The following ANO1 variants were observed in gnomAD, a reference collection of about 807,000 sequenced individuals.
ANO1 encodes the protein anoctamin 1.
Under a neutral mutation model 124.0 loss-of-function variants are expected in ANO1, and 59 were observed. The observed-to-expected ratio is 0.48, with a 90% CI of 0.39 to 0.59. The LOEUF is 0.59. Ranked by LOEUF, ANO1 falls within the 20% of genes least tolerant of loss-of-function variation. The pLI is 0.00. For synonymous variants in ANO1, 529 were observed against 532.0 expected, an observed-to-expected ratio of 0.99 and a Z score of 0.08; for missense variants, 1,059 against 1,328.0, an observed-to-expected ratio of 0.80 and a Z score of 3.15.
intron 1 of ANO1, among the ~76,000 whole-genome samples, chr11:70,073,150 T>C (rs2135144334): frequency 6.6e-6 from 1 of 152,280 alleles, no homozygotes; most frequent in African/African-American, 2.4e-5. Context: ...ATTGAACCAG[T>C]GGCAGGCAGC....
intron 2 of ANO1, among the ~76,000 whole-genome samples, chr11:70,090,938 A>G (rs1414080769): frequency 1.3e-5 from 2 of 152,206 alleles, no homozygotes; most frequent in Non-Finnish European, 2.9e-5. Flanking sequence ...GGAGCCTCTC[A>G]AATCATAAGC....
At chr11:70,019,830 T>C (rs1856768701) in intron 1 of ANO1, among the ~76,000 whole-genome samples, 1 of 152,242 alleles carries the variant, frequency 6.6e-6, no homozygotes, top group African/African-American at 2.4e-5. Flanking sequence ...CATGGTCTCA[T>C]GTGGATCACT....
intron 2 of ANO1, among the ~76,000 whole-genome samples, chr11:70,090,476 A>C (rs1332929150): frequency 1.3e-5 from 2 of 152,214 alleles, no homozygotes; most frequent in Non-Finnish European, 2.9e-5. Context: ...CCCCATTTGT[A>C]AAATGGAGAT....
the ANO1 span, among the ~76,000 whole-genome samples, chr11:69,971,107 G>A: frequency 2.0e-5 from 3 of 152,190 alleles, no homozygotes; most frequent in Non-Finnish European, 4.4e-5. Flanking sequence ...GGGGTGGGGA[G>A]GAGAACTGTC....
chr11:70,113,041 G>A (rs1485028239), intron 7 of ANO1, among the ~76,000 whole-genome samples: 1 of 152,080 alleles, frequency 6.6e-6, no homozygotes, highest in Non-Finnish European at 1.5e-5. Flanking sequence ...GTAGGTCCGG[G>A]GATTGGGGTG....
At chr11:70,107,729 C>T (rs1326125494) in intron 5 of ANO1, among the ~76,000 whole-genome samples, 3 of 152,128 alleles carry the variant, frequency 2.0e-5, no homozygotes, top group Non-Finnish European at 2.9e-5. Flanking sequence ...GGCAGACAGA[C>T]TCCCAAGCCG....
intron 8 of ANO1, among the ~76,000 whole-genome samples, chr11:70,121,970 CTCTG>C (rs1181174929): frequency 8.8e-5 from 13 of 147,440 alleles, no homozygotes; most frequent in African/African-American, 2.3e-4. Context: ...CCCCACCTCT[CTCTG>C]TCTGTCTGTC....
At chr11:70,166,292 T>C (rs778619358) in intron 20 of ANO1, among the ~76,000 whole-genome samples, 3 of 152,196 alleles carry the variant, frequency 2.0e-5, no homozygotes, top group Non-Finnish European at 4.4e-5. Flanking sequence ...CACTCCAGCC[T>C]GGGCGACAGA....
chr11:69,969,571 T>C, the ANO1 span, among the ~76,000 whole-genome samples: 2 of 152,100 alleles, frequency 1.3e-5, no homozygotes, highest in Admixed American at 1.3e-4. Context: ...CCTGGGAAAG[T>C]GCATCTCTCC....
upstream of ANO1, among the ~76,000 whole-genome samples, chr11:70,077,007 G>A (rs144218232): frequency 9.5e-3 from 991 of 104,130 alleles, 9 homozygotes; most frequent in African/African-American, 0.03. Context: ...AAGGTCACAA[G>A]GCTGGAAGGT....
At chr11:70,144,625 C>G (rs1238605602) in intron 11 of ANO1, among the ~76,000 whole-genome samples, 2 of 152,234 alleles carry the variant, frequency 1.3e-5, no homozygotes, top group Non-Finnish European at 2.9e-5. Flanking sequence ...TATCCGCTCC[C>G]GCCAGGCCTG....
chr11:69,979,153 T>C, the ANO1 span, among the ~76,000 whole-genome samples: 4 of 152,288 alleles, frequency 2.6e-5, no homozygotes, highest in African/African-American at 9.6e-5. Context: ...CAAACAAAGG[T>C]TGAAGAGAGG....
intron 1 of ANO1, among the ~76,000 whole-genome samples, chr11:70,031,688 A>AC (rs1330513704): frequency 6.6e-6 from 1 of 151,924 alleles, no homozygotes; most frequent in Admixed American, 6.6e-5. Context: ...GTCTCCAAAG[A>AC]CCCCTTCAGT....
intron 6 of ANO1, among the ~76,000 whole-genome samples, chr11:70,109,704 CT>C (rs1208533784): frequency 2.0e-5 from 3 of 152,194 alleles, no homozygotes; most frequent in Admixed American, 6.5e-5. Flanking sequence ...GGTTTCCCCC[CT>C]GGGTCCCTGC....
chr11:70,181,248 C>A (rs1318602360), intron 23 of ANO1, among the ~76,000 whole-genome samples: 1 of 152,234 alleles, frequency 6.6e-6, no homozygotes, highest in Non-Finnish European at 1.5e-5. Context: ...CTCCCCAAAG[C>A]TGACGGTCGA....
the ANO1 span, among the ~76,000 whole-genome samples, chr11:69,975,410 A>T: frequency 6.6e-6 from 1 of 152,202 alleles, no homozygotes; most frequent in Non-Finnish European, 1.5e-5. Flanking sequence ...CCGTGGACCC[A>T]CTAACAGCCA....
At chr11:70,046,368 A>G (rs10899613) in intron 1 of ANO1, among the ~76,000 whole-genome samples, 35,489 of 152,130 alleles carry the variant, frequency 0.23, 4,405 homozygotes, top group East Asian at 0.46. Flanking sequence ...GAGGCTGTTA[A>G]CATACCTGCA....
At chr11:69,991,901 G>A (rs1856162898) in intron 1 of ANO1, among the ~76,000 whole-genome samples, 1 of 152,228 alleles carries the variant, frequency 6.6e-6, no homozygotes, top group African/African-American at 2.4e-5. Flanking sequence ...TGTGCCAATA[G>A]TGGGTCCACC....
chr11:70,040,451 A>G (rs145081537), intron 1 of ANO1, among the ~76,000 whole-genome samples: 21 of 152,330 alleles, frequency 1.4e-4, no homozygotes, highest in African/African-American at 5.1e-4. Flanking sequence ...TATTGCAAAA[A>G]AGTTACAAAA....
Sources: allele counts gnomAD v4.1 joint callset (sites outside exome capture counted in the v4.1 genomes callset), GRCh38; gene constraint gnomAD v4.1.1; transcripts MANE v1.5; gene names NCBI Gene and HGNC (gene_info 2026-07-23, HGNC 2026-07-21).